CEP295: variants seen among roughly 807,000 people sequenced by gnomAD.
CEP295 encodes the protein centrosomal protein 295.
In CEP295, 190 loss-of-function variants were observed where a neutral mutation model predicts 291.6. The ratio of observed to expected loss-of-function variants is 0.65; its 90% CI spans 0.58 to 0.73. The LOEUF is 0.73. CEP295 is among the 30% of genes least tolerant of loss of function. CEP295 has a pLI of 0.00. For missense variants in CEP295, 2,863 were observed against 2,949.4 expected (o/e 0.97, Z 0.68); for synonymous variants, 993 against 1,038.8 (o/e 0.96, Z 0.85).
At position 93,698,056 on chromosome 11, in the gene CEP295, G is replaced by A. The variant is rs1951942006; in HGVS notation, c.3144G>A (p.Gln1048=). 5 of 1,551,848 alleles carry A rather than the reference G, an allele frequency of 3.2e-6. No individual in the cohort carries two copies. The highest frequency in any genetic ancestry group is 1.7e-4 in the Middle Eastern group (1 of 5,990). Residue 1048 remains glutamine (Q), a synonymous_variant, in exon 15 of 30, where the codon CAG becomes CAA. Transcript: ENST00000325212. ...AGGATGGGTCTTTGAGTTTCCTACA[G>A]CAGTTCCTACCTCTACATGATAGTT... is the stretch of plus-strand genomic sequence containing the variant. The part of the protein sequence containing the change: ...ISQDGSLSFL[Q]QFLPLHDSLK...
intron 6 of CEP295, among the ~76,000 whole-genome samples, chr11:93,679,190 T>C (rs1210205909): frequency 6.6e-6 from 1 of 152,190 alleles, no homozygotes; most frequent in African/African-American, 2.4e-5. Flanking sequence ...TTTGGAGGAG[T>C]ATAACCTCAT....
intron 18 of CEP295, among the ~76,000 whole-genome samples, chr11:93,710,802 T>C (rs371826793): frequency 6.6e-6 from 1 of 152,186 alleles, no homozygotes; most frequent in African/African-American, 2.4e-5. Flanking sequence ...TTGTTATTGG[T>C]CTACTCAGGT....
At chr11:93,674,341 T>C (rs1266275994) in intron 5 of CEP295, among the ~76,000 whole-genome samples, 1 of 152,190 alleles carries the variant, frequency 6.6e-6, no homozygotes, top group Non-Finnish European at 1.5e-5. Context: ...TAGCTAAAAC[T>C]TTGGTTAATT....
At chr11:93,673,005 G>C (rs949757062) in intron 5 of CEP295, among the ~76,000 whole-genome samples, 18 of 152,276 alleles carry the variant, frequency 1.2e-4, no homozygotes, top group Non-Finnish European at 2.6e-4. Flanking sequence ...GTTTTCTTCA[G>C]AGTTCTTCCT....
At chr11:93,721,611 C>T in intron 19 of CEP295, 199 bp downstream of exon 19, 1 of 753,714 alleles carries the variant, frequency 1.3e-6, no homozygotes, top group Non-Finnish European at 2.4e-6. Flanking sequence ...ATGATCTCTA[C>T]AGTTCTGAGA....
intron 6 of CEP295, among the ~76,000 whole-genome samples, chr11:93,677,982 G>A (rs1381683425): frequency 6.6e-6 from 1 of 152,100 alleles, no homozygotes. Flanking sequence ...TTGTTTTGAA[G>A]TATGATCAAT....
At position 93,730,254 on chromosome 11, in the gene CEP295, C is replaced by CA. The variant is rs1257458938; in HGVS notation, c.7796dup (p.Asn2599LysfsTer7). On this transcript the variant is annotated frameshift_variant, in exon 30 of 30. Transcript: ENST00000325212. LOFTEE classifies it high-confidence loss of function. ...AGAAAACACTAGAGAAACTTCGAGC[C>CA]AAAAATACATGCTGACTTTCTAGAA... The CA allele has an allele frequency of 1.3e-5, 20 of 1,549,494 alleles. No individual in the cohort carries two copies. Among genetic ancestry groups the CA allele is most frequent in the Admixed American group, 2.0e-5 (1 of 50,914 alleles).
At chr11:93,674,975 G>C (rs1206481228) in intron 5 of CEP295, among the ~76,000 whole-genome samples, 1 of 152,172 alleles carries the variant, frequency 6.6e-6, no homozygotes. Context: ...TATGTGATAG[G>C]TTGTGATGGA....
In CEP295 at chr11:93,669,736, C is replaced by T. The variant is rs1794827696; in HGVS notation, c.494C>T (p.Thr165Ile). The change falls in exon 5 of 30, where the codon ACA becomes ATA. Residue 165 changes from threonine (T) to isoleucine (I), a missense_variant. By Grantham distance (89) the Thr-to-Ile change is moderately conservative. Transcript: ENST00000325212. ...LVEKERSAKI[T>I]SLPPPPPTLF... is the part of the protein sequence containing the mutation. ...GAAAAAGAGAGATCAGCCAAAATTA[C>T]AAGTCTGCCACCTCCTCCTCCAACT... is the stretch of plus-strand genomic sequence containing the variant. 1 of 1,550,598 alleles carries T rather than the reference C, an allele frequency of 6.4e-7. No homozygotes were observed. The highest frequency in any genetic ancestry group is 2.0e-5 in the Admixed American group (1 of 50,988).
At chr11:93,701,599 T>C (rs1952162918) in intron 15 of CEP295, among the ~76,000 whole-genome samples, 1 of 151,608 alleles carries the variant, frequency 6.6e-6, no homozygotes, top group African/African-American at 2.4e-5. Context: ...TGTTTGTTTT[T>C]TGTTTGTTTG....
intron 10 of CEP295, among the ~76,000 whole-genome samples, chr11:93,689,188 T>C (rs1480283278): frequency 6.6e-6 from 1 of 152,224 alleles, no homozygotes; most frequent in Non-Finnish European, 1.5e-5. Context: ...ATTAACATAG[T>C]GGTCCTCTTA....
At chr11:93,696,493 G>A in intron 14 of CEP295, 76 bp downstream of exon 14, 1 of 1,108,880 alleles carries the variant, frequency 9.0e-7, no homozygotes, top group Admixed American at 2.3e-5. Flanking sequence ...TTTATATGAG[G>A]ATCTAATTTG....
Position 93,669,660 on chromosome 11 carries a change from A to G in CEP295, c.435-17A>G, listed in dbSNP as rs1950342909. ...TATCACTGAGAGATTAATTGATGAC[A>G]TCTCTTGTTTCTTAAGGCATATAAA... On this transcript the variant is annotated splice_polypyrimidine_tract_variant and intron_variant, in intron 4 of 29. Coordinates refer to ENST00000325212, the MANE Select transcript of CEP295 (RefSeq NM_033395.2). The G allele has an allele frequency of 2.0e-6, 3 of 1,493,582 alleles. No homozygotes were observed. The highest frequency in any genetic ancestry group is 1.2e-5 in the South Asian group (1 of 82,786). 92.5% of individuals were successfully genotyped at this position (1,493,582 alleles called of 1,614,324 possible).
At chr11:93,683,113 G>A (rs1255287717) in intron 7 of CEP295, among the ~76,000 whole-genome samples, 1 of 152,128 alleles carries the variant, frequency 6.6e-6, no homozygotes, top group African/African-American at 2.4e-5. Context: ...TCTATGTTAA[G>A]CCACAGTCAC....
chr11:93,702,719 G>T, intron 16 of CEP295, 57 bp from the exon 17 acceptor site: 1 of 1,538,490 alleles, frequency 6.5e-7, no homozygotes, highest in Non-Finnish European at 8.8e-7. Flanking sequence ...TTGAAGAAAA[G>T]TTAGAAGTAT....
chr11:93,666,538 A>C (rs963941366), intron 1 of CEP295, 144 bp from the exon 2 acceptor site: 1 of 463,998 alleles, frequency 2.2e-6, no homozygotes, highest in Non-Finnish European at 3.9e-6. Flanking sequence ...AGGTTACAGT[A>C]AGCTGAGATC....
At chr11:93,720,810 T>C (rs1317800275) in intron 18 of CEP295, among the ~76,000 whole-genome samples, 1 of 152,152 alleles carries the variant, frequency 6.6e-6, no homozygotes, top group Non-Finnish European at 1.5e-5. Flanking sequence ...TTGCCTAGGC[T>C]GGTCTCGAAC....
In CEP295 at chr11:93,720,230, T is replaced by C. The variant is rs190534502; in HGVS notation, c.5750-1082T>C. Among the ~76,000 whole-genome samples the C allele has an allele frequency of 7.4e-3, 1,118 of 151,954 alleles. 12 individuals carry two copies. Among genetic ancestry groups the C allele is most frequent in the Non-Finnish European group, 0.01 (683 of 67,974 alleles). On this transcript the variant is annotated intron_variant, in intron 18 of 29. Transcript: ENST00000325212. ...GCTCACACCTGTAATCCCAGCACTTTGGGAGGCCGAGGTGGGCGGATCACC... is the reference window on the plus strand; with the variant it reads ...GCTCACACCTGTAATCCCAGCACTTCGGGAGGCCGAGGTGGGCGGATCACC...
intron 1 of CEP295, among the ~76,000 whole-genome samples, chr11:93,666,296 A>G (rs950387800): frequency 3.9e-5 from 6 of 152,254 alleles, no homozygotes; most frequent in Admixed American, 2.0e-4. Flanking sequence ...ATTAACACGA[A>G]TTTTAAAAAT....
Sources: gnomAD v4.1 joint callset for allele counts (sites outside exome capture counted in the v4.1 genomes callset) on GRCh38, gnomAD v4.1.1 for gene constraint, MANE v1.5 for transcripts, NCBI Gene and HGNC (gene_info 2026-07-23, HGNC 2026-07-21) for gene names.